The following OTUD7B variants were observed in gnomAD, a reference collection of about 807,000 sequenced individuals.
OTUD7B encodes OTU domain-containing protein 7B.
A neutral mutation model predicts 82.2 loss-of-function variants in OTUD7B; 34 were observed. That is an observed-to-expected ratio of 0.41 (90% CI 0.31 to 0.55). OTUD7B has a LOEUF of 0.55. OTUD7B is among the 20% of genes least tolerant of loss of function. OTUD7B has a pLI of 0.20. For synonymous variants in OTUD7B, 398 were observed against 402.7 expected, an observed-to-expected ratio of 0.99 and a Z score of 0.14; for missense variants, 944 against 1,062.1, an observed-to-expected ratio of 0.89 and a Z score of 1.55.
intron 1 of OTUD7B, among the ~76,000 whole-genome samples, chr1:150,002,000 AAAACC>A (rs782728614): frequency 6.6e-6 from 1 of 152,194 alleles, no homozygotes; most frequent in African/African-American, 2.4e-5. Context: ...TTAGCACTTT[AAAACC>A]AAACAATTTC....
rs989564800 is a variant in OTUD7B, at chr1:149,937,995, G to A, written c.*5862C>T. ...TGTGGAAATAGTGAAGATATTGTGA[G>A]ACAGAAAGTCAGTCTGGAACAAAGA... On this transcript the variant is annotated 3_prime_UTR_variant, in exon 12 of 12. Transcript: ENST00000581312. 2.0e-5 allele frequency: 3 copies of A among 152,158 alleles called. No homozygotes were observed. Among genetic ancestry groups the A allele is most frequent in the African/African-American group, 7.2e-5 (3 of 41,392 alleles). 9.4% of individuals were successfully genotyped at this position (152,158 alleles called of 1,614,324 possible). A position where few individuals can be genotyped will look rare whatever the true frequency, so the allele number is the denominator to read the frequency against.
chr1:149,950,970 T>C (rs1377658573), intron 7 of OTUD7B, among the ~76,000 whole-genome samples: 2 of 28,954 alleles, frequency 6.9e-5, no homozygotes, highest in East Asian at 2.1e-3. Context: ...TTTTTTGTAC[T>C]TTTTGTATTT....
chr1:149,952,703 C>T (rs1648354516), intron 7 of OTUD7B, among the ~76,000 whole-genome samples: 1 of 152,210 alleles, frequency 6.6e-6, no homozygotes, highest in African/African-American at 2.4e-5. Context: ...ACATCTTCTC[C>T]AGTACCTGTT....
Position 149,965,876 on chromosome 1 carries a change from G to A in OTUD7B, c.505C>T (p.Arg169Cys), listed in dbSNP as rs769955651. The A allele has an allele frequency of 1.2e-5, 20 of 1,612,534 alleles. No individual in the cohort carries two copies. The highest frequency in any genetic ancestry group is 1.2e-4 in the African/African-American group (9 of 74,870). ...SMLVALEQAGRLNWWVSVDPT... is the reference protein window; with the variant it reads ...SMLVALEQAGCLNWWVSVDPT... ...TCCACACTCACCCACCAGTTCAAAC[G>A]CCCTGTAGAAACAAGATAGTGGAGG... is the stretch of plus-strand genomic sequence containing the variant. Residue 169 changes from arginine to cysteine, a missense_variant and splice_region_variant, in exon 5 of 12, where the codon CGT becomes TGT. Physicochemically the swap from Arg to Cys is radical, Grantham distance 180. Transcript: ENST00000581312.
chr1:149,971,210 G>A lies in OTUD7B; in HGVS notation c.127C>T (p.Gln43Ter). ...TTTCCAGCATGGACTTGACGTAGCT[G>A]TTCAAAATCACTGAGGGCGGCATTC... ...DVNAALSDFE[Q>*]LRQVHAGNLP... The change falls in exon 3 of 12, where the codon CAG becomes TAG. Residue 43 changes from glutamine (Q) to a stop codon, truncating the protein, a stop_gained. Coordinates refer to ENST00000581312, the MANE Select transcript of OTUD7B (RefSeq NM_020205.4). LOFTEE classifies it high-confidence loss of function. 2 of 1,612,570 alleles carry A rather than the reference G, an allele frequency of 1.2e-6. No homozygotes were observed. The highest frequency in any genetic ancestry group is 1.7e-6 in the Non-Finnish European group (2 of 1,178,856).
intron 1 of OTUD7B, among the ~76,000 whole-genome samples, chr1:149,984,638 A>G (rs1161778146): frequency 1.3e-5 from 2 of 152,064 alleles, no homozygotes; most frequent in Admixed American, 1.3e-4. Flanking sequence ...GCACCCCCAA[A>G]TTCTTTCCAC....
At chr1:150,041,001 C>T in the OTUD7B span, among the ~76,000 whole-genome samples, 489 of 152,088 alleles carry the variant, frequency 3.2e-3, no homozygotes, top group African/African-American at 0.011. Flanking sequence ...TTTGCCACAG[C>T]GCCTGGCCTC....
intron 1 of OTUD7B, among the ~76,000 whole-genome samples, chr1:150,002,924 G>A (rs1450345164): frequency 2.6e-5 from 4 of 152,110 alleles, no homozygotes; most frequent in Non-Finnish European, 4.4e-5. Context: ...GATGTGAAAC[G>A]TATTAAATGG....
chr1:149,967,165 C>T, intron 4 of OTUD7B, 129 bp downstream of exon 4: 1 of 590,610 alleles, frequency 1.7e-6, no homozygotes, highest in Admixed American at 3.2e-5. Context: ...GTTTATCCCA[C>T]TGACTCCTGA....
intron 1 of OTUD7B, among the ~76,000 whole-genome samples, chr1:149,990,793 T>C (rs2101898942): frequency 6.6e-6 from 1 of 152,150 alleles, no homozygotes; most frequent in South Asian, 2.1e-4. Context: ...GTCAGGAGTT[T>C]GCGACCAGCC....
chr1:150,062,256 C>T, the OTUD7B span, among the ~76,000 whole-genome samples: 1 of 152,168 alleles, frequency 6.6e-6, no homozygotes, highest in African/African-American at 2.4e-5. Context: ...CCACATTGCT[C>T]TCCAAAATGT....
upstream of OTUD7B, among the ~76,000 whole-genome samples, chr1:150,011,401 C>T (rs868931898): frequency 6.6e-6 from 1 of 152,274 alleles, no homozygotes; most frequent in Middle Eastern, 3.4e-3. Context: ...TGTATCACTG[C>T]TCTCAGTGAT....
chr1:149,946,480 G>C (rs1289731275), intron 11 of OTUD7B, among the ~76,000 whole-genome samples: 3 of 152,108 alleles, frequency 2.0e-5, no homozygotes, highest in Admixed American at 1.3e-4. Context: ...GGTGGCTCAT[G>C]CCTGTAATCC....
intron 1 of OTUD7B, among the ~76,000 whole-genome samples, chr1:149,990,437 T>C (rs1459291056): frequency 1.3e-5 from 2 of 152,184 alleles, no homozygotes; most frequent in Admixed American, 6.5e-5. Flanking sequence ...ATGTGGATAA[T>C]TGAGAGTTAT....
In OTUD7B at chr1:149,943,828, G is replaced by A. The variant is rs782175859; in HGVS notation, c.*29C>T. 2.5e-6 allele frequency: 4 copies of A among 1,603,854 alleles called. No homozygotes were observed. In the African/African-American group the frequency reaches 4.0e-5, roughly 16 times the overall value. Reference sequence around the variant, plus strand: ...AATTAGTTGAGCTTAACTTTGTTTAGCCTCCTTGCCCTTCAGTGTTCCACC... The same window carrying A: ...AATTAGTTGAGCTTAACTTTGTTTAACCTCCTTGCCCTTCAGTGTTCCACC... On this transcript the variant is annotated 3_prime_UTR_variant, in exon 12 of 12. Coordinates refer to ENST00000581312, the MANE Select transcript of OTUD7B (RefSeq NM_020205.4).
chr1:150,058,923 A>G, the OTUD7B span, among the ~76,000 whole-genome samples: 1 of 152,074 alleles, frequency 6.6e-6, no homozygotes, highest in African/African-American at 2.4e-5. Context: ...TAAATTTCTT[A>G]TTTTATAATT....
the OTUD7B span, among the ~76,000 whole-genome samples, chr1:150,034,041 T>C: frequency 6.6e-6 from 1 of 152,074 alleles, no homozygotes; most frequent in Non-Finnish European, 1.5e-5. Context: ...TTTTAAGAAT[T>C]ATAATGGACA....
At chr1:150,025,406 A>G in the OTUD7B span, among the ~76,000 whole-genome samples, 1 of 151,530 alleles carries the variant, frequency 6.6e-6, no homozygotes. Flanking sequence ...CAAGAGCGAA[A>G]CTCTGTTTCA....
the OTUD7B span, among the ~76,000 whole-genome samples, chr1:150,050,922 A>T: frequency 3.3e-5 from 5 of 151,326 alleles, no homozygotes; most frequent in African/African-American, 1.2e-4. Flanking sequence ...TCCTTAAAAA[A>T]AAAAAAGAAA....
Sources: gnomAD v4.1 joint callset for allele counts (sites outside exome capture counted in the v4.1 genomes callset) on GRCh38, gnomAD v4.1.1 for gene constraint, MANE v1.5 for transcripts, NCBI Gene and HGNC (gene_info 2026-07-23, HGNC 2026-07-21) for gene names.